The following H6PD variants were observed in gnomAD, a reference collection of about 807,000 sequenced individuals.
H6PD encodes hexose-6-phosphate dehydrogenase/glucose 1-dehydrogenase, also known as GDH/6PGL endoplasmic bifunctional protein.
A neutral mutation model predicts 61.2 loss-of-function variants in H6PD; 48 were observed. The observed-to-expected ratio is 0.78, with a 90% CI of 0.62 to 1.00. H6PD has a LOEUF of 1.00. H6PD is among the 50% of genes least tolerant of loss of function. The pLI is 0.00. For missense variants in H6PD, 1,093 were observed against 1,065.0 expected (o/e 1.03, Z -0.37); for synonymous variants, 480 against 457.9 (o/e 1.05, Z -0.62).
Position 9,263,739 on chromosome 1 carries a change from A to G in H6PD, c.1246A>G (p.Arg416Gly), listed in dbSNP as rs755118190. 1.9e-6 allele frequency: 3 copies of G among 1,613,912 alleles called. No homozygotes were observed. In the East Asian group the frequency reaches 6.7e-5, roughly 36 times the overall value. Residue 416 changes from arginine (R) to glycine (G), a missense_variant, in exon 5 of 5, where the codon AGG becomes GGG. By Grantham distance (125) the Arg-to-Gly change is moderately radical (BLOSUM62 -2). Transcript: ENST00000377403. ...DLGSPAVLVS[R>G]NLFRPSLPSS... ...GGGCAGCCCTGCCGTGCTGGTCAGC[A>G]GGAACCTGTTCAGGCCCTCCCTGCC...
intron 3 of H6PD, among the ~76,000 whole-genome samples, chr1:9,257,175 G>C (rs1641546805): frequency 6.6e-6 from 1 of 151,384 alleles, no homozygotes; most frequent in South Asian, 2.1e-4. Flanking sequence ...GTCTCATGCG[G>C]TGTTGTCCAG....
chr1:9,264,376 A>G lies in H6PD; in HGVS notation c.1883A>G (p.Asp628Gly). 6.2e-7 allele frequency: 1 copy of G among 1,612,790 alleles called. No homozygotes were observed. The highest frequency in any genetic ancestry group is 8.5e-7 in the Non-Finnish European group (1 of 1,179,920). ...GACGAGCGCTGCGTCCCACTCTCAGACCCGGAGTCCAACTTCCAGGGCCTG... is the reference window on the plus strand; with the variant it reads ...GACGAGCGCTGCGTCCCACTCTCAGGCCCGGAGTCCAACTTCCAGGGCCTG... ...LVDERCVPLS[D>G]PESNFQGLQA... The change falls in exon 5 of 5, where the codon GAC (aspartate) becomes GGC (glycine). Residue 628 changes from aspartate (D) to glycine (G), a missense_variant. Transcript: ENST00000377403.
chr1:9,245,674 G>T lies in H6PD; in HGVS notation c.627+113G>T. The T allele has an allele frequency of 4.7e-6, 5 of 1,060,066 alleles. No homozygotes were observed. Among genetic ancestry groups the T allele is most frequent in the Non-Finnish European group, 7.2e-6 (5 of 697,306 alleles). The allele number at this position is 1,060,066 out of a possible 1,614,324, so 65.7% of individuals were successfully genotyped here. A position where few individuals can be genotyped will look rare whatever the true frequency, so the allele number is the denominator to read the frequency against. ...TAGGCCCCAAGGCATTGTGAACTCA[G>T]AGCTCCCATGGTCTCCTTGAAGGTG... On this transcript the variant is annotated intron_variant, in intron 2 of 4. Coordinates refer to ENST00000377403, the MANE Select transcript of H6PD (RefSeq NM_004285.4). The surrounding 1 kb of genome is among the most constrained non-coding windows in gnomAD (Gnocchi z 4.8).
chr1:9,256,301 C>T (rs978052927), intron 3 of H6PD, among the ~76,000 whole-genome samples: 15 of 152,214 alleles, frequency 9.9e-5, no homozygotes, highest in African/African-American at 3.1e-4. Flanking sequence ...TTTTGGTTGG[C>T]ACAGTTGGGC....
At chr1:9,242,583 G>C in intron 1 of H6PD, 2 of 985,474 alleles carry the variant, frequency 2.0e-6, no homozygotes, top group Non-Finnish European at 2.4e-6. Flanking sequence ...ATTAAAGAGA[G>C]GGCCAGGAGT....
rs1641142619 is a variant in H6PD, at chr1:9,245,457, C to A, written c.523C>A (p.Pro175Thr). 1.9e-6 allele frequency: 3 copies of A among 1,614,170 alleles called. No individual in the cohort carries two copies. Among genetic ancestry groups the A allele is most frequent in the Non-Finnish European group, 2.5e-6 (3 of 1,180,018 alleles). Residue 175 changes from proline to threonine, a missense_variant, in exon 2 of 5, where the codon CCC (proline) becomes ACC (threonine). By Grantham distance (38) the Pro-to-Thr change is conservative. Transcript: ENST00000377403. The surrounding 1 kb of genome is among the most constrained non-coding windows in gnomAD (Gnocchi z 4.8). ...CTGGCTGCGGGTTGTCCTTGAGAAACCCTTTGGCCATGACCACTTCTCAGC... is the reference window on the plus strand; with the variant it reads ...CTGGCTGCGGGTTGTCCTTGAGAAAACCTTTGGCCATGACCACTTCTCAGC... Reference protein sequence around the residue: ...GAWLRVVLEKPFGHDHFSAQQ... With the variant: ...GAWLRVVLEKTFGHDHFSAQQ...
At chr1:9,251,201 C>T (rs990925122) in intron 3 of H6PD, among the ~76,000 whole-genome samples, 1 of 152,206 alleles carries the variant, frequency 6.6e-6, no homozygotes, top group African/African-American at 2.4e-5. Flanking sequence ...GCTCTGCAGA[C>T]AGGCGGGCCC....
Position 9,254,790 on chromosome 1 carries a change from C to T in H6PD, c.746-7269C>T, listed in dbSNP as rs1232975393. ...TTCGTGTATTCACAGAGTTGTGTGT[C>T]AGTACCACAATCAATTTTAGGACAT... On this transcript the variant is annotated intron_variant, in intron 3 of 4. Transcript: ENST00000377403. The surrounding 1 kb of genome is among the most constrained non-coding windows in gnomAD (Gnocchi z 4.6). Among the ~76,000 whole-genome samples, 1 of 152,224 alleles carries T rather than the reference C, an allele frequency of 6.6e-6. No homozygotes were observed. Among genetic ancestry groups the T allele is most frequent in the East Asian group, 1.9e-4 (1 of 5,200 alleles).
intron 2 of H6PD, among the ~76,000 whole-genome samples, chr1:9,246,288 T>A (rs979421770): frequency 3.3e-5 from 5 of 152,218 alleles, no homozygotes; most frequent in Non-Finnish European, 7.3e-5. Flanking sequence ...AGTTCTGTTT[T>A]GAGCCAGAAG....
At position 9,262,203 on chromosome 1, in the gene H6PD, TC is replaced by T; in HGVS notation, c.892del (p.Gln298ArgfsTer36). 1 of 1,614,160 alleles carries T rather than the reference TC, an allele frequency of 6.2e-7. No individual in the cohort carries two copies. The highest frequency in any genetic ancestry group is 8.5e-7 in the Non-Finnish European group (1 of 1,180,012). On this transcript the variant is annotated frameshift_variant, in exon 4 of 5. Coordinates refer to ENST00000377403, the MANE Select transcript of H6PD (RefSeq NM_004285.4). LOFTEE classifies it high-confidence loss of function. ...GTGCTGCGGCACAAGCTTCAGGTCT[TC>T]CAGGCGCTGCGGGGCCTGCAGAGGG... The part of the protein sequence containing the change: ...EAVLRHKLQV[F>X]QALRGLQRGS...
chr1:9,250,269 G>A (rs564876826), intron 3 of H6PD, among the ~76,000 whole-genome samples: 1 of 152,288 alleles, frequency 6.6e-6, no homozygotes, highest in South Asian at 2.1e-4. Flanking sequence ...TGCTGCTGCA[G>A]TGGGGCTCAG....
In H6PD at chr1:9,264,449, C is replaced by A. The variant is rs774483334; in HGVS notation, c.1956C>A (p.His652Gln). ...QHVRIPYYNIHPMPVHLQQRL... is the reference protein window; with the variant it reads ...QHVRIPYYNIQPMPVHLQQRL... Reference sequence around the variant, plus strand: ...TCCGGATCCCCTACTACAACATCCACCCCATGCCTGTGCACCTGCAGCAGC... The same window carrying A: ...TCCGGATCCCCTACTACAACATCCAACCCATGCCTGTGCACCTGCAGCAGC... The change falls in exon 5 of 5, where the codon CAC (histidine) becomes CAA (glutamine). Residue 652 changes from histidine (H) to glutamine (Q), a missense_variant. Transcript: ENST00000377403. The A allele has an allele frequency of 9.9e-6, 16 of 1,613,044 alleles. No homozygotes were observed. The highest frequency in any genetic ancestry group is 1.4e-5 in the Non-Finnish European group (16 of 1,179,866).
intron 3 of H6PD, among the ~76,000 whole-genome samples, chr1:9,249,568 C>G (rs1641293957): frequency 6.6e-6 from 1 of 152,286 alleles, no homozygotes; most frequent in East Asian, 1.9e-4. Context: ...GTCCGCCGCT[C>G]CTAAGCTCCA....
chr1:9,247,839 G>C (rs57823928), intron 3 of H6PD, among the ~76,000 whole-genome samples: 73,410 of 151,870 alleles, frequency 0.48, 19,172 homozygotes, highest in African/African-American at 0.7. Flanking sequence ...AGGTCCCTTA[G>C]CTGGCATTCT....
In H6PD at chr1:9,264,533, G is replaced by T. The variant is rs1455377366; in HGVS notation, c.2040G>T (p.Leu680=). Residue 680 remains leucine, a synonymous_variant, in exon 5 of 5, where the codon CTG becomes CTT. Transcript: ENST00000377403. ...AQIYAREISA[L]VANSSFDLVL... is the part of the protein sequence containing the mutation. ...TCTATGCCAGGGAGATCTCAGCCCTGGTGGCCAACAGCAGCTTCGACCTGG... is the reference window on the plus strand; with the variant it reads ...TCTATGCCAGGGAGATCTCAGCCCTTGTGGCCAACAGCAGCTTCGACCTGG... 1 of 1,613,190 alleles carries T rather than the reference G, an allele frequency of 6.2e-7. No homozygotes were observed. The highest frequency in any genetic ancestry group is 1.3e-5 in the African/African-American group (1 of 74,926).
intron 3 of H6PD, among the ~76,000 whole-genome samples, chr1:9,255,925 T>A (rs970454731): frequency 6.6e-6 from 1 of 152,202 alleles, no homozygotes; most frequent in Non-Finnish European, 1.5e-5. Flanking sequence ...TTCACACCGT[T>A]CTGTTGTAGG....
chr1:9,263,533 T>C lies in H6PD; in HGVS notation c.1040T>C (p.Leu347Pro). The change falls in exon 5 of 5, where the codon CTT becomes CCT. Residue 347 changes from leucine to proline, a missense_variant. By Grantham distance (98) the Leu-to-Pro change is moderately conservative (BLOSUM62 -3). Coordinates refer to ENST00000377403, the MANE Select transcript of H6PD (RefSeq NM_004285.4). ...FAAVLVHIDN[L>P]RWEGVPFILM... The stretch of plus-strand genomic sequence containing the variant: ...GCCGTCCTAGTGCACATTGACAACC[T>C]TCGCTGGGAGGGCGTGCCTTTCATC... 6.2e-7 allele frequency: 1 copy of C among 1,614,182 alleles called. No individual in the cohort carries two copies. Among genetic ancestry groups the C allele is most frequent in the African/African-American group, 1.3e-5 (1 of 75,048 alleles).
In H6PD at chr1:9,248,913, G is replaced by C. The variant is rs567126320; in HGVS notation, c.745+1830G>C. 3.0e-4 allele frequency among the ~76,000 whole-genome samples: 46 copies of C among 152,284 alleles called. No individual in the cohort carries two copies. In the East Asian group the frequency reaches 7.7e-3, roughly 26 times the overall value. On this transcript the variant is annotated intron_variant, in intron 3 of 4. Transcript: ENST00000377403. ...GGGCGCTGGCCGTGGGTTGCCCCCC[G>C]TGCCTGTCTGTGCCTGATCTCCCAG...
At chr1:9,241,884 T>C (rs1641009095) in intron 1 of H6PD, among the ~76,000 whole-genome samples, 1 of 152,180 alleles carries the variant, frequency 6.6e-6, no homozygotes, top group Admixed American at 6.5e-5. Flanking sequence ...ATGAGACTCC[T>C]CACAGAACCT....
Sources: allele counts gnomAD v4.1 joint callset (sites outside exome capture counted in the v4.1 genomes callset), GRCh38; gene constraint gnomAD v4.1.1; non-coding constraint Gnocchi (gnomAD v3.1); transcripts MANE v1.5; gene names NCBI Gene and HGNC (gene_info 2026-07-23, HGNC 2026-07-21).